The following TRUB1 variants were observed in gnomAD, a reference collection of about 807,000 sequenced individuals.
The protein encoded by TRUB1 is pseudouridylate synthase TRUB1.
Under a neutral mutation model 33.9 loss-of-function variants are expected in TRUB1, and 23 were observed. The observed-to-expected ratio is 0.68, with a 90% CI of 0.49 to 0.96. The LOEUF is 0.96. Among genes scored for constraint, TRUB1 ranks in the 40% least tolerant of loss-of-function variants. TRUB1 has a pLI of 0.00. For synonymous variants in TRUB1, 163 were observed against 165.4 expected (o/e 0.99, Z 0.11); for missense variants, 378 against 422.2 (o/e 0.90, Z 0.92).
Position 114,975,333 on chromosome 10 carries a change from C to T in TRUB1, c.1004C>T (p.Thr335Ile). The change falls in exon 8 of 8, where the codon ACT (threonine) becomes ATT (isoleucine). Residue 335 changes from threonine to isoleucine, a missense_variant. Transcript: ENST00000298746. ...NEQVLSCEYITLNEPKREDDV... is the reference protein window; with the variant it reads ...NEQVLSCEYIILNEPKREDDV... ...CAGGTTTTGAGCTGTGAATATATAA[C>T]TCTAAATGAGCCAAAGAGAGAAGAT... 6.2e-7 allele frequency: 1 copy of T among 1,606,442 alleles called. No homozygotes were observed. The highest frequency in any genetic ancestry group is 8.5e-7 in the Non-Finnish European group (1 of 1,175,828).
chr10:114,974,396 A>C lies in TRUB1; in HGVS notation c.793+11A>C, dbSNP rs778345270. 1.9e-6 allele frequency: 3 copies of C among 1,606,222 alleles called. No individual in the cohort carries two copies. Among genetic ancestry groups the C allele is most frequent in the Middle Eastern group, 1.7e-4 (1 of 6,020 alleles). ...GTGACATTGGAAAAGGTAAGCATAA[A>C]AATGAATTATGAATTATCATTTAGA... On this transcript the variant is annotated intron_variant, in intron 7 of 7. Coordinates refer to ENST00000298746, the MANE Select transcript of TRUB1 (RefSeq NM_139169.5).
intron 1 of TRUB1, 99 bp downstream of exon 1, chr10:114,938,638 G>T: frequency 7.7e-7 from 1 of 1,306,092 alleles, no homozygotes. Flanking sequence ...GACAAAAGGA[G>T]GGGAAAGGGA....
chr10:114,964,387 C>G (rs1026873077), intron 4 of TRUB1, among the ~76,000 whole-genome samples: 4 of 151,966 alleles, frequency 2.6e-5, no homozygotes, highest in Non-Finnish European at 5.9e-5. Flanking sequence ...TTATTAAGCA[C>G]CTTCCATTCG....
chr10:114,968,216 A>G (rs945197490), intron 4 of TRUB1, among the ~76,000 whole-genome samples: 4 of 152,222 alleles, frequency 2.6e-5, no homozygotes, highest in Admixed American at 1.3e-4. Flanking sequence ...AGTCAGAGAA[A>G]GAGACAATAT....
intron 3 of TRUB1, among the ~76,000 whole-genome samples, chr10:114,952,469 GTAGGTAGGTAGA>G (rs2084241037): frequency 1.3e-5 from 2 of 150,998 alleles, no homozygotes; most frequent in African/African-American, 4.9e-5. Flanking sequence ...AGGTAGGTAG[GTAGGTAGGTAGA>G]TAGGTAGATA....
At chr10:114,951,344 A>G (rs2084234616) in intron 3 of TRUB1, among the ~76,000 whole-genome samples, 195 bp downstream of exon 3, 1 of 152,222 alleles carries the variant, frequency 6.6e-6, no homozygotes, top group Non-Finnish European at 1.5e-5. Context: ...TTGAAAAACC[A>G]ATTAGACTTA....
At chr10:114,972,861 A>G (rs2084343539) in intron 6 of TRUB1, among the ~76,000 whole-genome samples, 1 of 152,130 alleles carries the variant, frequency 6.6e-6, no homozygotes, top group Non-Finnish European at 1.5e-5. Context: ...TTTCTAATAT[A>G]TATTTGAAAT....
In TRUB1 at chr10:114,966,943, A is replaced by G. The variant is rs754516594; in HGVS notation, c.524-3425A>G. ...ATGACTTTTCTGGGGTGTCTATCAA[A>G]TGACTTGTGCATTCAACAAAGTTTC... On this transcript the variant is annotated intron_variant, in intron 4 of 7. Coordinates refer to ENST00000298746, the MANE Select transcript of TRUB1 (RefSeq NM_139169.5). Among the ~76,000 whole-genome samples the G allele has an allele frequency of 4.6e-5, 7 of 152,316 alleles. No individual in the cohort carries two copies. The South Asian group carries it at 8.3e-4, about 18-fold the overall frequency.
At chr10:114,948,346 C>T (rs540672684) in intron 2 of TRUB1, among the ~76,000 whole-genome samples, 1 of 152,182 alleles carries the variant, frequency 6.6e-6, no homozygotes, top group Non-Finnish European at 1.5e-5. Flanking sequence ...ACCTTTGAAG[C>T]CTGCCTGCTG....
chr10:114,970,082 C>T (rs996081740), intron 4 of TRUB1, among the ~76,000 whole-genome samples: 2 of 152,188 alleles, frequency 1.3e-5, no homozygotes, highest in African/African-American at 4.8e-5. Flanking sequence ...AGGCCATAGT[C>T]AGAACCAACT....
chr10:114,965,042 G>A (rs2084301221), intron 4 of TRUB1, among the ~76,000 whole-genome samples: 1 of 148,720 alleles, frequency 6.7e-6, no homozygotes, highest in Non-Finnish European at 1.5e-5. Context: ...CCATTCTCCT[G>A]CCTCAGCCTC....
At chr10:114,960,328 A>G (rs2084280063) in intron 4 of TRUB1, among the ~76,000 whole-genome samples, 1 of 152,198 alleles carries the variant, frequency 6.6e-6, no homozygotes, top group Non-Finnish European at 1.5e-5. Flanking sequence ...GTTTCCTACT[A>G]TCCCTTCTTT....
intron 3 of TRUB1, among the ~76,000 whole-genome samples, chr10:114,953,087 A>T (rs1442322103): frequency 6.6e-6 from 1 of 152,142 alleles, no homozygotes; most frequent in Non-Finnish European, 1.5e-5. Context: ...CAAACCACAA[A>T]CACAGCACAC....
At chr10:114,957,078 G>A (rs2084264637) in intron 3 of TRUB1, among the ~76,000 whole-genome samples, 1 of 152,160 alleles carries the variant, frequency 6.6e-6, no homozygotes, top group Non-Finnish European at 1.5e-5. Context: ...GCACACATAG[G>A]CACTTCTCTA....
chr10:114,946,263 A>G lies in TRUB1; in HGVS notation c.385+3520A>G, dbSNP rs192512071. Among the ~76,000 whole-genome samples the G allele has an allele frequency of 3.9e-5, 6 of 152,366 alleles. No individual in the cohort carries two copies. In the East Asian group the frequency reaches 9.6e-4, roughly 24 times the overall value. On this transcript the variant is annotated intron_variant, in intron 2 of 7. Coordinates refer to ENST00000298746, the MANE Select transcript of TRUB1 (RefSeq NM_139169.5). ...CCAAAACTAAGTCAAAAGGTTTTCA[A>G]AAATATTTTACAAAATACCTATAGT... is the stretch of plus-strand genomic sequence containing the variant.
Position 114,975,144 on chromosome 10 carries a change from T to C in TRUB1, c.815T>C (p.Val272Ala), listed in dbSNP as rs2084354370. ...ATAGAACTATCTTCCTGTGCCAATG[T>C]GCTAGAGCTGACCCGAACCAAACAG... The part of the protein sequence containing the change: ...IGKELSSCAN[V>A]LELTRTKQGP... Residue 272 changes from valine to alanine, a missense_variant, in exon 8 of 8, where the codon GTG becomes GCG. Transcript: ENST00000298746. 2 of 1,613,020 alleles carry C rather than the reference T, an allele frequency of 1.2e-6. No individual in the cohort carries two copies. The highest frequency in any genetic ancestry group is 1.7e-6 in the Non-Finnish European group (2 of 1,179,508).
intron 3 of TRUB1, among the ~76,000 whole-genome samples, chr10:114,952,489 ATAGGTAGGTAGG>A (rs908555567): frequency 1.6e-4 from 19 of 115,264 alleles, no homozygotes; most frequent in Admixed American, 6.9e-4. Flanking sequence ...AGATAGGTAG[ATAGGTAGGTAGG>A]TAGGTAGGTA....
At chr10:114,942,614 T>A (rs1001103945) in intron 1 of TRUB1, 31 bp from the exon 2 acceptor site, 5 of 1,442,924 alleles carry the variant, frequency 3.5e-6, no homozygotes, top group African/African-American at 1.4e-5. Context: ...GTCTTGGTGA[T>A]CACCTTTTTT....
At chr10:114,944,760 G>A (rs2084204379) in intron 2 of TRUB1, among the ~76,000 whole-genome samples, 1 of 152,116 alleles carries the variant, frequency 6.6e-6, no homozygotes, top group Non-Finnish European at 1.5e-5. Flanking sequence ...CGAGGTAGGT[G>A]GATTGCTTGA....
Sources: allele counts gnomAD v4.1 joint callset (sites outside exome capture counted in the v4.1 genomes callset), GRCh38; gene constraint gnomAD v4.1.1; transcripts MANE v1.5; gene names NCBI Gene and HGNC (gene_info 2026-07-23, HGNC 2026-07-21).